BAZ2B: variants seen among roughly 807,000 people sequenced by gnomAD.
BAZ2B encodes bromodomain adjacent to zinc finger domain 2B, also known as bromodomain adjacent to zinc finger domain protein 2B.
Under a neutral mutation model 246.0 loss-of-function variants are expected in BAZ2B, and 91 were observed. That is an observed-to-expected ratio of 0.37 (90% CI 0.31 to 0.44). The LOEUF is 0.44. BAZ2B is among the 20% of genes least tolerant of loss of function. The pLI is 1.00. For missense variants in BAZ2B, 2,332 were observed against 2,533.7 expected (o/e 0.92, Z 1.71); for synonymous variants, 855 against 860.0 (o/e 0.99, Z 0.10).
In BAZ2B at chr2:159,478,667, G is replaced by A. The variant is rs1397976969; in HGVS notation, c.53C>T (p.Thr18Ile). ...PSSAASSTTP[T>I]SSSTPSVASV... The stretch of plus-strand genomic sequence containing the variant: ...AGCCACAGAAGGTGTCGAAGATGAA[G>A]TTGGTGTAGTAGAGGAGGCTGCTGA... The change falls in exon 3 of 37, where the codon ACT becomes ATT. Residue 18 changes from threonine to isoleucine, a missense_variant. By Grantham distance (89) the Thr-to-Ile change is moderately conservative (BLOSUM62 -1). This residue lies in a region of BAZ2B where 242 missense variants were observed against 237.4 expected (regional missense o/e 1.02). Coordinates refer to ENST00000392783, the MANE Select transcript of BAZ2B (RefSeq NM_013450.4). The A allele has an allele frequency of 1.9e-6, 3 of 1,610,578 alleles. No individual in the cohort carries two copies. Among genetic ancestry groups the A allele is most frequent in the East Asian group, 2.2e-5 (1 of 44,574 alleles).
intron 2 of BAZ2B, among the ~76,000 whole-genome samples, chr2:159,533,003 A>C (rs1439355158): frequency 6.6e-6 from 1 of 152,230 alleles, no homozygotes; most frequent in East Asian, 1.9e-4. Flanking sequence ...TGTTATCCAC[A>C]AAAAGTAAGA....
intron 13 of BAZ2B, 85 bp from the exon 14 acceptor site, chr2:159,412,630 A>G: frequency 7.5e-7 from 1 of 1,331,424 alleles, no homozygotes; most frequent in Non-Finnish European, 1.0e-6. Flanking sequence ...CTAGCTAAAA[A>G]TCACATATAT....
rs148817439 is a variant in BAZ2B, at chr2:159,419,576, T to C, written c.2467-7031A>G. ...TAAAGATGTGAAAGAGTAAGAACCA[T>C]GAGAAAAGGTGTCATCTATTAAAAA... On this transcript the variant is annotated intron_variant, in intron 13 of 36. Coordinates refer to ENST00000392783, the MANE Select transcript of BAZ2B (RefSeq NM_013450.4). Among the ~76,000 whole-genome samples the C allele has an allele frequency of 1.8e-3, 273 of 152,286 alleles. 2 individuals carry two copies. Among genetic ancestry groups the C allele is most frequent in the African/African-American group, 6.3e-3 (261 of 41,574 alleles).
At chr2:159,411,022 CTTTTA>C (rs1168753882) in intron 14 of BAZ2B, among the ~76,000 whole-genome samples, 1 of 152,058 alleles carries the variant, frequency 6.6e-6, no homozygotes. Context: ...ATGAGAATGT[CTTTTA>C]TTTATTTCTT....
intron 27 of BAZ2B, among the ~76,000 whole-genome samples, chr2:159,359,693 G>A (rs188901798): frequency 6.6e-6 from 1 of 152,172 alleles, no homozygotes; most frequent in Non-Finnish European, 1.5e-5. Flanking sequence ...GAACATCGAT[G>A]CGAAAATTCT....
At chr2:159,529,652 C>T (rs1162699784) in intron 2 of BAZ2B, among the ~76,000 whole-genome samples, 1 of 152,172 alleles carries the variant, frequency 6.6e-6, no homozygotes, top group African/African-American at 2.4e-5. Context: ...TACCTTTCTC[C>T]TAAGTGTTAG....
chr2:159,517,887 C>G (rs1002793302), intron 2 of BAZ2B, among the ~76,000 whole-genome samples: 1 of 152,098 alleles, frequency 6.6e-6, no homozygotes, highest in African/African-American at 2.4e-5. Flanking sequence ...CATGAAATAG[C>G]AAGTTTTCAA....
chr2:159,702,349 T>A, the BAZ2B span, among the ~76,000 whole-genome samples: 9 of 152,322 alleles, frequency 5.9e-5, no homozygotes, highest in African/African-American at 2.2e-4. Flanking sequence ...GCAGTTTTTA[T>A]TTCTGGATAT....
rs746400811 is a variant in BAZ2B at position 159,412,284 on chromosome 2, T to C, written c.2677+51A>G. On this transcript the variant is annotated intron_variant, in intron 14 of 36. Transcript: ENST00000392783. ...AAGTCAAAAATATTAGAAATACTTT[T>C]AGTATACTTTTTAGTATGATTATTA... is the stretch of plus-strand genomic sequence containing the variant. The C allele has an allele frequency of 4.5e-6, 7 of 1,542,592 alleles. No homozygotes were observed. The East Asian group carries it at 1.4e-4, about 30-fold the overall frequency.
At chr2:159,568,793 G>T (rs1041814219) in intron 1 of BAZ2B, among the ~76,000 whole-genome samples, 6 of 152,106 alleles carry the variant, frequency 3.9e-5, no homozygotes, top group Non-Finnish European at 8.8e-5. Flanking sequence ...TTTCCTAATT[G>T]TGATTCTTAA....
At chr2:159,469,133 A>C (rs961423769) in intron 3 of BAZ2B, among the ~76,000 whole-genome samples, 3 of 151,758 alleles carry the variant, frequency 2.0e-5, no homozygotes, top group Non-Finnish European at 2.9e-5. Flanking sequence ...GAGAAAAAAA[A>C]CAGAAAATTG....
intron 1 of BAZ2B, among the ~76,000 whole-genome samples, chr2:159,584,692 T>C (rs1208069392): frequency 6.6e-6 from 1 of 152,174 alleles, no homozygotes; most frequent in Non-Finnish European, 1.5e-5. Flanking sequence ...GAGTCAAGGA[T>C]GACAGGACAT....
chr2:159,530,943 C>T (rs947323899), intron 2 of BAZ2B, among the ~76,000 whole-genome samples: 1 of 152,016 alleles, frequency 6.6e-6, no homozygotes, highest in Non-Finnish European at 1.5e-5. Context: ...GCACTCTAGC[C>T]TGGGCAACAG....
intron 2 of BAZ2B, among the ~76,000 whole-genome samples, chr2:159,549,914 C>T (rs10929944): frequency 0.45 from 67,449 of 150,910 alleles, 17,826 homozygotes; most frequent in Middle Eastern, 0.6. Flanking sequence ...ACCTCCGCCT[C>T]CCGAGTTCAA....
the BAZ2B span, among the ~76,000 whole-genome samples, chr2:159,633,019 GCTA>G: frequency 6.6e-6 from 1 of 152,130 alleles, no homozygotes; most frequent in Non-Finnish European, 1.5e-5. Flanking sequence ...GAATCAACTG[GCTA>G]TATGAATTTT....
the BAZ2B span, chr2:159,711,977 C>T: frequency 6.6e-6 from 1 of 151,190 alleles, no homozygotes; most frequent in East Asian, 2.0e-4. Context: ...AGGGAAAGGG[C>T]TTGCAGTTAG....
chr2:159,667,472 T>G, the BAZ2B span, among the ~76,000 whole-genome samples: 1 of 152,042 alleles, frequency 6.6e-6, no homozygotes, highest in Non-Finnish European at 1.5e-5. Flanking sequence ...GGCACATGCC[T>G]GTAATTCAAG....
At chr2:159,553,392 C>CAAAAAAAAAAAAAA (rs35253250) in intron 2 of BAZ2B, among the ~76,000 whole-genome samples, 11 of 73,820 alleles carry the variant, frequency 1.5e-4, no homozygotes, top group African/African-American at 3.8e-4. Context: ...GACTCTGTCT[C>CAAAAAAAAAAAAAA]AAAAAAAAAA....
chr2:159,491,720 C>CAAAAAAAAAAAAA (rs773067675), intron 2 of BAZ2B, among the ~76,000 whole-genome samples: 798 of 29,540 alleles, frequency 0.027, 85 homozygotes, highest in African/African-American at 0.037. Context: ...GACTCCGTCT[C>CAAAAAAAAAAAAA]AAAAAAAAAA....
Sources: allele counts gnomAD v4.1 joint callset (sites outside exome capture counted in the v4.1 genomes callset), GRCh38; gene constraint gnomAD v4.1.1; regional missense constraint gnomAD v4.1.1; transcripts MANE v1.5; gene names NCBI Gene and HGNC (gene_info 2026-07-23, HGNC 2026-07-21).